Variants in AAK1 observed in about 807,000 individuals in gnomAD.
AAK1 encodes the protein AP2-associated protein kinase 1.
Under a neutral mutation model 116.0 loss-of-function variants are expected in AAK1, and 37 were observed. That is an observed-to-expected ratio of 0.32 (90% CI 0.25 to 0.42). AAK1 has a LOEUF of 0.42. Among genes scored for constraint, AAK1 ranks in the 10% least tolerant of loss-of-function variants. AAK1 has a pLI of 1.00. For missense variants in AAK1, 919 were observed against 1,170.6 expected, an observed-to-expected ratio of 0.79 and a Z score of 3.14; for synonymous variants, 458 against 439.9, an observed-to-expected ratio of 1.04 and a Z score of -0.51.
rs144988090 is a variant in AAK1, at chr2:69,503,953, C to T, written c.2269+1616G>A. 7.7e-3 allele frequency among the ~76,000 whole-genome samples: 1,160 copies of T among 149,750 alleles called. 15 individuals are homozygous for T. The highest frequency in any genetic ancestry group is 0.027 in the African/African-American group (1,103 of 40,668). The stretch of plus-strand genomic sequence containing the variant: ...GGTGGAGGTTGCAGTGAGCCAAGAT[C>T]GCACCATTGCACTCCAGCCCCGGCA... On this transcript the variant is annotated intron_variant, in intron 16 of 21. Transcript: ENST00000409085.
chr2:69,519,205 G>A lies in AAK1; in HGVS notation c.1246C>T (p.Pro416Ser). 1 of 1,588,672 alleles carries A rather than the reference G, an allele frequency of 6.3e-7. No individual in the cohort carries two copies. Residue 416 changes from proline to serine, a missense_variant, in exon 12 of 22, where the codon CCC becomes TCC. Physicochemically the swap from Pro to Ser is moderately conservative, Grantham distance 74. Around this residue, in one of 4 missense-constraint regions of AAK1, gnomAD observed 214 missense variants for 210.6 expected, o/e 1.02. Transcript: ENST00000409085. ...SNQPGLLASV[P>S]QPKPQAPPSQ... ...GGTGGGGCTTGGGGTTTTGGTTGGG[G>A]AACACTGGCTAAAAGGCCAGGCTGA...
At chr2:69,611,754 T>C (rs1408902092) in intron 2 of AAK1, among the ~76,000 whole-genome samples, 1 of 152,190 alleles carries the variant, frequency 6.6e-6, no homozygotes. Flanking sequence ...CAGCCATCCA[T>C]CAACAGATGA....
rs1674542051 is a variant in AAK1 at position 69,467,895 on chromosome 2, A to G, written c.*7974T>C. On this transcript the variant is annotated 3_prime_UTR_variant, in exon 22 of 22. Coordinates refer to ENST00000409085, the MANE Select transcript of AAK1 (RefSeq NM_014911.5). ...TTATAAGATACTGTACAAAAATACT[A>G]TGTTTCTCTGAATCCTATAACTTTT... The G allele has an allele frequency of 5.1e-6, 5 of 985,262 alleles. No homozygotes were observed. Among genetic ancestry groups the G allele is most frequent in the Non-Finnish European group, 6.0e-6 (5 of 829,778 alleles). The allele number at this position is 985,262 out of a possible 1,614,324, so 61.0% of individuals were successfully genotyped here.
chr2:69,475,826 AC>A lies in AAK1; in HGVS notation c.*42del. 1.9e-6 allele frequency: 3 copies of A among 1,563,498 alleles called. No homozygotes were observed. Among genetic ancestry groups the A allele is most frequent in the Non-Finnish European group, 2.6e-6 (3 of 1,152,400 alleles). On this transcript the variant is annotated 3_prime_UTR_variant, in exon 22 of 22. Transcript: ENST00000409085. Reference sequence around the variant, plus strand: ...TAACTCCGTAATGAAAATGTATTTTACGGTATGAAGGTTACAGAACTGCATC... The same window carrying A: ...TAACTCCGTAATGAAAATGTATTTTAGGTATGAAGGTTACAGAACTGCATC...
chr2:69,513,565 C>T (rs943423979), intron 13 of AAK1, among the ~76,000 whole-genome samples: 10 of 152,088 alleles, frequency 6.6e-5, no homozygotes, highest in Admixed American at 1.3e-4. Context: ...CCTTGTGATC[C>T]GCCCGCCTCG....
At position 69,532,174 on chromosome 2, in the gene AAK1, T is replaced by C; in HGVS notation, c.535-12A>G. ...AGGATGTTTTCAACCTGAAAAACAT[T>C]CCCCAACCACCCATTCCAAGATATC... On this transcript the variant is annotated splice_polypyrimidine_tract_variant and intron_variant, in intron 5 of 21. Transcript: ENST00000409085. 1 of 1,612,788 alleles carries C rather than the reference T, an allele frequency of 6.2e-7. No homozygotes were observed. Among genetic ancestry groups the C allele is most frequent in the Non-Finnish European group, 8.5e-7 (1 of 1,179,032 alleles).
intron 15 of AAK1, among the ~76,000 whole-genome samples, chr2:69,506,994 T>C (rs999082298): frequency 2.6e-5 from 4 of 152,066 alleles, no homozygotes; most frequent in South Asian, 2.1e-4. Context: ...ACTCTGACTA[T>C]AGTGAAAGAA....
intron 8 of AAK1, among the ~76,000 whole-genome samples, 161 bp from the exon 9 acceptor site, chr2:69,527,480 G>A (rs982621753): frequency 2.0e-5 from 3 of 152,242 alleles, no homozygotes; most frequent in South Asian, 2.1e-4. Context: ...CTTAGAAAGA[G>A]AAGCTCTAAT....
intron 3 of AAK1, among the ~76,000 whole-genome samples, chr2:69,546,264 G>A (rs1670920541): frequency 6.6e-6 from 1 of 152,196 alleles, no homozygotes; most frequent in South Asian, 2.1e-4. Flanking sequence ...GAAGTTTGAT[G>A]AGACAAAAGA....
At chr2:69,563,619 G>A (rs913606742) in intron 2 of AAK1, among the ~76,000 whole-genome samples, 3 of 152,138 alleles carry the variant, frequency 2.0e-5, no homozygotes. Context: ...AAGAGCTGGA[G>A]GATACCAAAT....
At chr2:69,520,658 C>T (rs1051728301) in intron 11 of AAK1, among the ~76,000 whole-genome samples, 176 bp downstream of exon 11, 17 of 152,216 alleles carry the variant, frequency 1.1e-4, no homozygotes, top group East Asian at 7.7e-4. Context: ...TGAGCCACCA[C>T]GCCCGGCCAC....
In AAK1 at chr2:69,466,379, G is replaced by C. The variant is rs778785532; in HGVS notation, c.*9490C>G. 1.7e-5 allele frequency: 22 copies of C among 1,289,710 alleles called. No individual in the cohort carries two copies. In the African/African-American group the frequency reaches 3.2e-4, roughly 19 times the overall value. 79.9% of individuals were successfully genotyped at this position (1,289,710 alleles called of 1,614,324 possible). A position where few individuals can be genotyped will look rare whatever the true frequency, so the allele number is the denominator to read the frequency against. On this transcript the variant is annotated 3_prime_UTR_variant, in exon 22 of 22. Transcript: ENST00000409085. ...CTTCCTCTTCGCTGCTGTGGAATGAGCTGTTGCTTGAAGGGCCATCTCTGG... is the reference window on the plus strand; with the variant it reads ...CTTCCTCTTCGCTGCTGTGGAATGACCTGTTGCTTGAAGGGCCATCTCTGG...
At chr2:69,602,892 A>G (rs1295316465) in intron 2 of AAK1, among the ~76,000 whole-genome samples, 2 of 152,254 alleles carry the variant, frequency 1.3e-5, no homozygotes, top group Non-Finnish European at 2.9e-5. Context: ...AGTTAAGTAC[A>G]GCCCTAATAC....
chr2:69,544,492 T>C lies in AAK1; in HGVS notation c.335A>G (p.Asn112Ser). 6.2e-7 allele frequency: 1 copy of C among 1,613,914 alleles called. No individual in the cohort carries two copies. Among genetic ancestry groups the C allele is most frequent in the Non-Finnish European group, 8.5e-7 (1 of 1,179,814 alleles). ...CCATACATCACCGCTACTCACGTTG[T>C]TGATACTAGAATCAATGTAACCCAC... ...NIVGYIDSSI[N>S]NVSSGDVWEV... Residue 112 changes from asparagine (N) to serine (S), a missense_variant, in exon 4 of 22, where the codon AAC (asparagine) becomes AGC (serine). By Grantham distance (46) the Asn-to-Ser change is conservative (BLOSUM62 1). This residue lies in a region of AAK1 where 317 missense variants were observed against 490.4 expected (regional missense o/e 0.65). Transcript: ENST00000409085.
chr2:69,551,155 T>C (rs1378628135), intron 3 of AAK1, among the ~76,000 whole-genome samples: 1 of 151,848 alleles, frequency 6.6e-6, no homozygotes, highest in Admixed American at 6.6e-5. Context: ...TCTTTGAAAA[T>C]AATCTGTGTT....
At chr2:69,577,392 AC>A (rs1672356438) in intron 2 of AAK1, among the ~76,000 whole-genome samples, 1 of 151,964 alleles carries the variant, frequency 6.6e-6, no homozygotes, top group Admixed American at 6.6e-5. Context: ...CTGATCTCTG[AC>A]CCCACGTACT....
intron 2 of AAK1, among the ~76,000 whole-genome samples, chr2:69,566,807 TGCACCTAGAACCACA>T (rs1229081777): frequency 1.3e-5 from 2 of 152,190 alleles, no homozygotes; most frequent in Non-Finnish European, 2.9e-5. Context: ...TTTTGATTAC[TGCACCTAGAACCACA>T]GCACATTGGG....
intron 2 of AAK1, among the ~76,000 whole-genome samples, chr2:69,585,270 C>T (rs536700361): frequency 6.6e-6 from 1 of 152,152 alleles, no homozygotes; most frequent in South Asian, 2.1e-4. Context: ...CTTTGTTGCC[C>T]AGGCTGGTTT....
At chr2:69,501,906 G>A (rs1238904766) in intron 16 of AAK1, among the ~76,000 whole-genome samples, 1 of 152,052 alleles carries the variant, frequency 6.6e-6, no homozygotes, top group Non-Finnish European at 1.5e-5. Flanking sequence ...AGGAGGCAGA[G>A]GTTGCAGTGA....
Sources: allele counts gnomAD v4.1 joint callset (sites outside exome capture counted in the v4.1 genomes callset), GRCh38; gene constraint gnomAD v4.1.1; regional missense constraint gnomAD v4.1.1; transcripts MANE v1.5; gene names NCBI Gene and HGNC (gene_info 2026-07-23, HGNC 2026-07-21).